The following PIEZO2 variants were observed in gnomAD, a reference collection of about 807,000 sequenced individuals.
PIEZO2 encodes piezo-type mechanosensitive ion channel component 2.
Under a neutral mutation model 337.3 loss-of-function variants are expected in PIEZO2, and 172 were observed. That is an observed-to-expected ratio of 0.51 (90% confidence interval 0.45 to 0.58). The LOEUF is 0.58. Among genes scored for constraint, PIEZO2 ranks in the 20% least tolerant of loss-of-function variants. PIEZO2 has a pLI of 0.00. For missense variants in PIEZO2, 3,028 were observed against 3,391.3 expected, an observed-to-expected ratio of 0.89 and a Z score of 2.66; for synonymous variants, 1,251 against 1,228.5, an observed-to-expected ratio of 1.02 and a Z score of -0.38.
chr18:10,883,749 C>A (rs986916630), intron 4 of PIEZO2, among the ~76,000 whole-genome samples: 1 of 152,016 alleles, frequency 6.6e-6, no homozygotes, highest in East Asian at 1.9e-4. Context: ...TGACCAACAT[C>A]TCTCCAATCC....
At chr18:11,118,161 C>A (rs1231605430) in intron 1 of PIEZO2, among the ~76,000 whole-genome samples, 2 of 152,172 alleles carry the variant, frequency 1.3e-5, no homozygotes, top group African/African-American at 2.4e-5. Flanking sequence ...CCTCAGGGTA[C>A]AGATGTCCCT....
At chr18:11,081,952 G>A (rs575602150) in intron 1 of PIEZO2, among the ~76,000 whole-genome samples, 1 of 151,878 alleles carries the variant, frequency 6.6e-6, no homozygotes, top group Middle Eastern at 3.2e-3. Flanking sequence ...TAGAGACGGG[G>A]TTTCACCATA....
Position 10,714,896 on chromosome 18 carries a change from T to C in PIEZO2, c.5291A>G (p.Tyr1764Cys). The change falls in exon 39 of 56, where the codon TAC (tyrosine) becomes TGC (cysteine). Residue 1764 changes from tyrosine (Y) to cysteine (C), a missense_variant. Transcript: ENST00000674853. ...AAGGTTCATGATGTGGTTCTGATAG[T>C]ACATGTGGATGCTCTCCCGAGTTGG... ...NVPTRESIHM[Y>C]YQNHIMNLSR... 6.5e-7 allele frequency: 1 copy of C among 1,537,218 alleles called. No individual in the cohort carries two copies. Among genetic ancestry groups the C allele is most frequent in the South Asian group, 1.2e-5 (1 of 84,050 alleles).
At chr18:10,864,668 A>G (rs2041960521) in intron 5 of PIEZO2, among the ~76,000 whole-genome samples, 1 of 152,250 alleles carries the variant, frequency 6.6e-6, no homozygotes, top group Admixed American at 6.5e-5. Context: ...CCCTAGCAAG[A>G]AATGGTCAAT....
In PIEZO2 at chr18:10,698,975, C is replaced by G. The variant is rs1567961125; in HGVS notation, c.6644G>C (p.Ser2215Thr). ...TAVRRKRSGS[S>T]SEPSQRSSFS... The stretch of plus-strand genomic sequence containing the variant: ...GCTGGATCTCTGGGATGGCTCGGAG[C>G]TGCTGCCGGAGCGCTTCCTCCGGAC... The change falls in exon 44 of 56, where the codon AGC becomes ACC. Residue 2215 changes from serine to threonine, a missense_variant. Transcript: ENST00000674853. The G allele has an allele frequency of 9.1e-6, 14 of 1,536,794 alleles. No individual in the cohort carries two copies. The highest frequency in any genetic ancestry group is 1.2e-5 in the Non-Finnish European group (14 of 1,146,924).
chr18:10,711,083 G>A (rs922433552), intron 39 of PIEZO2, among the ~76,000 whole-genome samples: 5 of 152,174 alleles, frequency 3.3e-5, no homozygotes, highest in Non-Finnish European at 5.9e-5. Context: ...AAAAGCAATC[G>A]ATGAATTTAA....
chr18:10,910,001 T>C (rs75585590), intron 4 of PIEZO2, among the ~76,000 whole-genome samples: 131 of 152,374 alleles, frequency 8.6e-4, no homozygotes, highest in African/African-American at 2.9e-3. Context: ...GGTCTACCGA[T>C]GTGCTATTCT....
At chr18:10,975,044 G>C (rs527538161) in intron 3 of PIEZO2, among the ~76,000 whole-genome samples, 1 of 152,286 alleles carries the variant, frequency 6.6e-6, no homozygotes, top group African/African-American at 2.4e-5. Context: ...TTAAAGAACA[G>C]CAAAGCTCAC....
chr18:10,814,123 A>T (rs2040284677), intron 7 of PIEZO2, among the ~76,000 whole-genome samples: 1 of 151,656 alleles, frequency 6.6e-6, no homozygotes, highest in South Asian at 2.1e-4. Flanking sequence ...GCCCACCACC[A>T]CGCCCAGCTA....
rs1252948140 is a variant in PIEZO2 at position 10,834,999 on chromosome 18, C to T, written c.917+20354G>A. 6.6e-6 allele frequency among the ~76,000 whole-genome samples: 1 copy of T among 152,152 alleles called. No individual in the cohort carries two copies. Among genetic ancestry groups the T allele is most frequent in the Non-Finnish European group, 1.5e-5 (1 of 68,026 alleles). On this transcript the variant is annotated intron_variant, in intron 7 of 55. Transcript: ENST00000674853. The surrounding 1 kb of genome is among the most constrained non-coding windows in gnomAD (Gnocchi z 4.5). ...GGCGATTAGGTCACAAGGGAGAAGCCCTCATGAAAGGGATCTGTGCCCTTA... is the reference window on the plus strand; with the variant it reads ...GGCGATTAGGTCACAAGGGAGAAGCTCTCATGAAAGGGATCTGTGCCCTTA...
chr18:10,929,155 T>C lies in PIEZO2; in HGVS notation c.287-17927A>G, dbSNP rs1170197784. ...AAACACTCACAGCATTAACCACAGC[T>C]GCAATATGAATTAGAGCCATAGAAA... is the stretch of plus-strand genomic sequence containing the variant. On this transcript the variant is annotated intron_variant, in intron 3 of 55. Transcript: ENST00000674853. This position sits in a 1 kb window ranked among gnomAD's most constrained non-coding sequence, Gnocchi z 5.6. Among the ~76,000 whole-genome samples, 1 of 152,198 alleles carries C rather than the reference T, an allele frequency of 6.6e-6. No individual in the cohort carries two copies. The highest frequency in any genetic ancestry group is 1.5e-5 in the Non-Finnish European group (1 of 68,032).
intron 11 of PIEZO2, 131 bp downstream of exon 11, chr18:10,800,206 G>T: frequency 1.6e-6 from 2 of 1,264,046 alleles, no homozygotes; most frequent in Non-Finnish European, 2.1e-6. Flanking sequence ...AGAACTTAAA[G>T]AAGTGAGGTT....
chr18:10,729,842 C>A (rs538026906), intron 36 of PIEZO2, among the ~76,000 whole-genome samples: 2 of 152,250 alleles, frequency 1.3e-5, no homozygotes, highest in Admixed American at 1.3e-4. Flanking sequence ...TTCATGATTT[C>A]ATAATGTGCG....
chr18:11,092,892 A>C lies in PIEZO2; in HGVS notation c.65-26670T>G, dbSNP rs970535783. 1.3e-5 allele frequency among the ~76,000 whole-genome samples: 2 copies of C among 152,178 alleles called. No homozygotes were observed. Among genetic ancestry groups the C allele is most frequent in the African/African-American group, 4.8e-5 (2 of 41,448 alleles). The stretch of plus-strand genomic sequence containing the variant: ...TCACATCTCTTGCTATTCCCCCTCA[A>C]GAACTGTTCTCAAAAAATTGGCTTA... On this transcript the variant is annotated intron_variant, in intron 1 of 55. Coordinates refer to ENST00000674853, the MANE Select transcript of PIEZO2 (RefSeq NM_001378183.1). This position sits in a 1 kb window ranked among gnomAD's most constrained non-coding sequence, Gnocchi z 4.5.
Position 11,128,862 on chromosome 18 carries a change from G to C in PIEZO2, c.64+19663C>G, listed in dbSNP as rs2040259630. ...ACAACAATCTGGAGAACAGGCCTGG[G>C]AATGGATATTAAGGGTATGGGATAA... is the stretch of plus-strand genomic sequence containing the variant. On this transcript the variant is annotated intron_variant, in intron 1 of 55. Coordinates refer to ENST00000674853, the MANE Select transcript of PIEZO2 (RefSeq NM_001378183.1). The surrounding 1 kb of genome is among the most constrained non-coding windows in gnomAD (Gnocchi z 4.1). 6.6e-6 allele frequency among the ~76,000 whole-genome samples: 1 copy of C among 152,176 alleles called. No homozygotes were observed. Among genetic ancestry groups the C allele is most frequent in the Non-Finnish European group, 1.5e-5 (1 of 68,030 alleles).
rs900988699 is a variant in PIEZO2 at position 10,830,756 on chromosome 18, G to A, written c.918-23482C>T. On this transcript the variant is annotated intron_variant, in intron 7 of 55. Transcript: ENST00000674853. This position sits in a 1 kb window ranked among gnomAD's most constrained non-coding sequence, Gnocchi z 4.7. The stretch of plus-strand genomic sequence containing the variant: ...AGTAAAGAGACAATTCACAGAATGG[G>A]AAAAAATACTTGCAGACCATCCATC... Among the ~76,000 whole-genome samples the A allele has an allele frequency of 7.9e-5, 12 of 152,068 alleles. No individual in the cohort carries two copies. Among genetic ancestry groups the A allele is most frequent in the Non-Finnish European group, 5.9e-5 (4 of 68,016 alleles).
At chr18:11,066,268 G>A (rs1371969952) in intron 1 of PIEZO2, 46 bp from the exon 2 acceptor site, 3 of 1,466,748 alleles carry the variant, frequency 2.0e-6, no homozygotes, top group African/African-American at 1.4e-5. Flanking sequence ...ATTAACAAAG[G>A]CAGGTTGACA....
intron 2 of PIEZO2, among the ~76,000 whole-genome samples, chr18:11,026,679 G>A (rs1432622233): frequency 1.3e-5 from 2 of 152,206 alleles, no homozygotes; most frequent in Non-Finnish European, 2.9e-5. Context: ...ACTGCCCTCT[G>A]TGAGGCTTAT....
chr18:11,066,322 A>C (rs2038148911), intron 1 of PIEZO2, 100 bp from the exon 2 acceptor site: 1 of 808,690 alleles, frequency 1.2e-6, no homozygotes, highest in African/African-American at 1.7e-5. Context: ...ATGTCACTGG[A>C]TCAAACAGTG....
Sources: allele counts gnomAD v4.1 joint callset (sites outside exome capture counted in the v4.1 genomes callset), GRCh38; gene constraint gnomAD v4.1.1; non-coding constraint Gnocchi (gnomAD v3.1); transcripts MANE v1.5; gene names NCBI Gene and HGNC (gene_info 2026-07-23, HGNC 2026-07-21).